Variants in SPATA17 observed in about 807,000 individuals in gnomAD.
SPATA17 encodes the protein spermatogenesis associated 17.
SPATA17 carries 53 observed loss-of-function variants against 62.2 expected under a neutral mutation model. The ratio of observed to expected loss-of-function variants is 0.85; its 90% CI spans 0.68 to 1.07. The LOEUF (loss-of-function observed/expected upper bound fraction) is 1.07, where lower values mean the gene tolerates loss of function less well. Ranked by LOEUF, SPATA17 falls within the 50% of genes least tolerant of loss-of-function variation. The pLI, the probability that SPATA17 is intolerant of heterozygous loss-of-function variation, is 0.00. For missense variants in SPATA17, 466 were observed against 425.5 expected, an observed-to-expected ratio of 1.10 and a Z score of -0.84; for synonymous variants, 146 against 146.8, an observed-to-expected ratio of 0.99 and a Z score of 0.04.
At chr1:217,857,609 C>G (rs1452355795) in intron 9 of SPATA17, among the ~76,000 whole-genome samples, 2 of 152,144 alleles carry the variant, frequency 1.3e-5, no homozygotes, top group Non-Finnish European at 2.9e-5. Flanking sequence ...TTCTTGAGCT[C>G]ATAGTTTCCC....
intron 9 of SPATA17, among the ~76,000 whole-genome samples, chr1:217,855,149 G>T (rs1343059330): frequency 6.6e-6 from 1 of 152,090 alleles, no homozygotes; most frequent in Non-Finnish European, 1.5e-5. Context: ...CATTTCATTT[G>T]GTTCTTCTTA....
intron 5 of SPATA17, among the ~76,000 whole-genome samples, chr1:217,741,012 T>C (rs1267816779): frequency 6.6e-6 from 1 of 152,182 alleles, no homozygotes; most frequent in Non-Finnish European, 1.5e-5. Flanking sequence ...TTTCTAGACA[T>C]TGAAGTAGAA....
At chr1:217,845,277 C>G (rs1268777701) in intron 9 of SPATA17, among the ~76,000 whole-genome samples, 2 of 152,058 alleles carry the variant, frequency 1.3e-5, no homozygotes, top group Non-Finnish European at 2.9e-5. Context: ...TCTTATCCCT[C>G]TCCTATTTTA....
intron 5 of SPATA17, among the ~76,000 whole-genome samples, chr1:217,710,148 T>G (rs1671824309): frequency 6.6e-6 from 1 of 152,182 alleles, no homozygotes; most frequent in Admixed American, 6.5e-5. Flanking sequence ...AAAAATTGTG[T>G]GGTACATATG....
chr1:217,816,510 T>C (rs1674720586), intron 9 of SPATA17, among the ~76,000 whole-genome samples: 1 of 151,814 alleles, frequency 6.6e-6, no homozygotes, highest in African/African-American at 2.4e-5. Context: ...TTACTTCATT[T>C]AAAAACTTTC....
intron 7 of SPATA17, among the ~76,000 whole-genome samples, chr1:217,781,639 T>C (rs1030462527): frequency 4.6e-5 from 7 of 152,172 alleles, no homozygotes; most frequent in Non-Finnish European, 1.0e-4. Flanking sequence ...AAATAACATT[T>C]AAAATAAATA....
intron 5 of SPATA17, 130 bp from the exon 6 acceptor site, chr1:217,741,845 A>G (rs539030144): frequency 1.1e-6 from 1 of 929,434 alleles, no homozygotes; most frequent in Non-Finnish European, 1.6e-6. Context: ...TGCAGGTAAG[A>G]TAGATTACAC....
intron 3 of SPATA17, among the ~76,000 whole-genome samples, chr1:217,667,954 G>A (rs1670740072): frequency 6.6e-6 from 1 of 152,218 alleles, no homozygotes; most frequent in Non-Finnish European, 1.5e-5. Flanking sequence ...CAGCCCTGCT[G>A]CTCTCCACAG....
At chr1:217,822,656 TA>T (rs1674896041) in intron 9 of SPATA17, among the ~76,000 whole-genome samples, 1 of 148,384 alleles carries the variant, frequency 6.7e-6, no homozygotes, top group Admixed American at 6.8e-5. Flanking sequence ...ATAAAATAAA[TA>T]TATATTTTAT....
chr1:217,687,145 A>G (rs1290904461), intron 5 of SPATA17, among the ~76,000 whole-genome samples: 1 of 152,132 alleles, frequency 6.6e-6, no homozygotes. Flanking sequence ...TCTTGAATTC[A>G]TTACTCTCTT....
intron 9 of SPATA17, among the ~76,000 whole-genome samples, chr1:217,832,202 C>T (rs1675159075): frequency 6.6e-6 from 1 of 151,952 alleles, no homozygotes; most frequent in Non-Finnish European, 1.5e-5. Flanking sequence ...TAAAGAAGTA[C>T]AAAATACCAC....
intron 5 of SPATA17, among the ~76,000 whole-genome samples, chr1:217,702,504 C>T (rs962915220): frequency 2.0e-5 from 3 of 152,102 alleles, no homozygotes; most frequent in Non-Finnish European, 4.4e-5. Flanking sequence ...GCATAGAATA[C>T]ATTAAATATG....
At chr1:217,712,947 A>G (rs1170212379) in intron 5 of SPATA17, among the ~76,000 whole-genome samples, 1 of 152,178 alleles carries the variant, frequency 6.6e-6, no homozygotes, top group East Asian at 1.9e-4. Context: ...AACCTTGGCC[A>G]TGAGCTAGAC....
chr1:217,633,931 T>C (rs1669879242), intron 1 of SPATA17, among the ~76,000 whole-genome samples: 1 of 152,166 alleles, frequency 6.6e-6, no homozygotes. Context: ...CTCCTCTGCC[T>C]AACAAAGAGG....
At chr1:217,833,396 C>G (rs1481073649) in intron 9 of SPATA17, among the ~76,000 whole-genome samples, 1 of 152,134 alleles carries the variant, frequency 6.6e-6, no homozygotes, top group African/African-American at 2.4e-5. Context: ...ATTATATTCT[C>G]TAAGGAGGGA....
intron 9 of SPATA17, among the ~76,000 whole-genome samples, chr1:217,828,677 A>G (rs531767007): frequency 3.9e-5 from 6 of 152,136 alleles, no homozygotes; most frequent in South Asian, 2.1e-4. Context: ...CAAACTGGGG[A>G]AAAAAATTGC....
chr1:217,868,561 T>G lies in SPATA17; in HGVS notation c.*1542T>G, dbSNP rs889620282. 2.6e-5 allele frequency: 4 copies of G among 152,030 alleles called. No homozygotes were observed. Among genetic ancestry groups the G allele is most frequent in the Non-Finnish European group, 5.9e-5 (4 of 67,992 alleles). 9.4% of individuals were successfully genotyped at this position (152,030 alleles called of 1,614,324 possible). On this transcript the variant is annotated 3_prime_UTR_variant, in exon 11 of 11. Transcript: ENST00000366933. ...TATAATATTGAACAGCCCATGTAAT[T>G]TATTGAATATTGTACTAAAAGTGAA...
At chr1:217,647,897 A>G (rs1374912946) in intron 1 of SPATA17, among the ~76,000 whole-genome samples, 2 of 151,780 alleles carry the variant, frequency 1.3e-5, no homozygotes, top group Admixed American at 1.3e-4. Flanking sequence ...TAATTTTTGT[A>G]TTTTTAGTAG....
At chr1:217,865,518 CT>C (rs1347102282) in intron 10 of SPATA17, among the ~76,000 whole-genome samples, 3 of 152,080 alleles carry the variant, frequency 2.0e-5, no homozygotes, top group Non-Finnish European at 4.4e-5. Context: ...AACATTACTC[CT>C]TTTAGTGTCT....
Sources: allele counts gnomAD v4.1 joint callset (sites outside exome capture counted in the v4.1 genomes callset), GRCh38; gene constraint gnomAD v4.1.1; transcripts MANE v1.5; gene names NCBI Gene and HGNC (gene_info 2026-07-23, HGNC 2026-07-21).